The following SPSB4 variants were observed in gnomAD, a reference collection of about 807,000 sequenced individuals.
SPSB4 encodes SPRY domain-containing SOCS box protein 4.
A neutral mutation model predicts 20.9 loss-of-function variants in SPSB4; 21 were observed. The observed-to-expected ratio is 1.01, with a 90% CI of 0.71 to 1.45. The LOEUF is 1.45. Among genes scored for constraint, SPSB4 ranks in the 40% most tolerant of loss-of-function variants. The pLI is 0.00. For missense variants in SPSB4, 399 were observed against 399.2 expected (o/e 1.00, Z 0.00); for synonymous variants, 207 against 183.8 (o/e 1.13, Z -1.02).
intron 2 of SPSB4, among the ~76,000 whole-genome samples, chr3:141,076,324 T>C (rs139506473): frequency 2.5e-4 from 38 of 152,360 alleles, no homozygotes; most frequent in African/African-American, 8.9e-4. Flanking sequence ...AGCTACCAAG[T>C]GACTCCATGT....
At chr3:141,142,803 CTTTTTTTTTTTTTTTTTTTT>C (rs57674247) in intron 2 of SPSB4, among the ~76,000 whole-genome samples, 9 of 62,034 alleles carry the variant, frequency 1.5e-4, no homozygotes, top group East Asian at 1.1e-3. Flanking sequence ...CCCTCTTTGT[CTTTTTTTTTTTTTTTTTTTT>C]TTTTTTTTTT....
rs1262112121 is a variant in SPSB4 at position 141,142,719 on chromosome 3, C to T, written c.695-4423C>T. On this transcript the variant is annotated intron_variant, in intron 2 of 2. Transcript: ENST00000310546. ...AATTGTTTTATAAATTTGGGAGCTC[C>T]TGTGTTAGGTACATATATATTTAGG... Among the ~76,000 whole-genome samples, 6 of 149,150 alleles carry T rather than the reference C, an allele frequency of 4.0e-5. No homozygotes were observed. The East Asian group carries it at 1.2e-3, about 29-fold the overall frequency.
intron 2 of SPSB4, among the ~76,000 whole-genome samples, chr3:141,075,381 G>GA (rs1330323447): frequency 6.6e-6 from 1 of 151,406 alleles, no homozygotes; most frequent in African/African-American, 2.5e-5. Context: ...GGTTAGCACA[G>GA]TCACAGATAC....
At chr3:141,093,953 T>C (rs1413135913) in intron 2 of SPSB4, among the ~76,000 whole-genome samples, 1 of 152,038 alleles carries the variant, frequency 6.6e-6, no homozygotes, top group South Asian at 2.1e-4. Flanking sequence ...TTTCCACCTC[T>C]GGGAAGTGGA....
chr3:141,139,932 C>T (rs889268218), intron 2 of SPSB4, among the ~76,000 whole-genome samples: 3 of 152,108 alleles, frequency 2.0e-5, no homozygotes, highest in Non-Finnish European at 4.4e-5. Flanking sequence ...AGAGTGTTTT[C>T]CAACTTGGTT....
intron 2 of SPSB4, among the ~76,000 whole-genome samples, chr3:141,112,700 T>A (rs1938822132): frequency 6.9e-6 from 1 of 145,360 alleles, no homozygotes; most frequent in Non-Finnish European, 1.5e-5. Context: ...ACTAAATTCA[T>A]GGATTTTCCC....
intron 2 of SPSB4, among the ~76,000 whole-genome samples, chr3:141,070,970 G>A (rs1044339860): frequency 1.3e-5 from 2 of 152,220 alleles, no homozygotes; most frequent in African/African-American, 4.8e-5. Flanking sequence ...CAGTGAGTCT[G>A]GGCGAGTCTC....
intron 2 of SPSB4, among the ~76,000 whole-genome samples, chr3:141,138,822 G>A (rs1294385813): frequency 2.6e-5 from 4 of 152,178 alleles, no homozygotes; most frequent in African/African-American, 7.2e-5. Flanking sequence ...TTGATTTGGG[G>A]TGGAGAGTTC....
At chr3:141,055,425 A>T (rs1937620851) in intron 1 of SPSB4, among the ~76,000 whole-genome samples, 1 of 152,224 alleles carries the variant, frequency 6.6e-6, no homozygotes, top group East Asian at 1.9e-4. Context: ...AGTGTGGAAG[A>T]AATAAGAGCA....
chr3:141,060,535 C>G (rs1399963763), intron 1 of SPSB4, among the ~76,000 whole-genome samples: 2 of 152,150 alleles, frequency 1.3e-5, no homozygotes, highest in African/African-American at 2.4e-5. Flanking sequence ...CTCTCTGAGC[C>G]CGGGCTGCTA....
chr3:141,099,213 T>C (rs999002838), intron 2 of SPSB4, among the ~76,000 whole-genome samples: 1 of 151,338 alleles, frequency 6.6e-6, no homozygotes, highest in Non-Finnish European at 1.5e-5. Flanking sequence ...GAGACGGAGT[T>C]TCGCTCTGTC....
At chr3:141,115,458 T>C (rs1413834861) in intron 2 of SPSB4, 1 of 152,238 alleles carries the variant, frequency 6.6e-6, no homozygotes, top group African/African-American at 2.4e-5. Flanking sequence ...TGGAGTTTTC[T>C]GGAAAAAGCA....
chr3:141,064,349 C>T (rs935590155), intron 1 of SPSB4, among the ~76,000 whole-genome samples: 24 of 152,140 alleles, frequency 1.6e-4, no homozygotes, highest in African/African-American at 5.3e-4. Context: ...TGGGTGATTT[C>T]GGATATGAAA....
chr3:141,121,326 T>A (rs1191702272), intron 2 of SPSB4, among the ~76,000 whole-genome samples: 1 of 152,236 alleles, frequency 6.6e-6, no homozygotes, highest in Non-Finnish European at 1.5e-5. Context: ...CTGACCTTTC[T>A]CTCTGGCTGC....
At chr3:141,118,228 A>G (rs752181067) in intron 2 of SPSB4, among the ~76,000 whole-genome samples, 1 of 152,154 alleles carries the variant, frequency 6.6e-6, no homozygotes, top group Non-Finnish European at 1.5e-5. Context: ...TTTGATTTGC[A>G]TTTCTCTGAT....
chr3:141,148,007 A>G lies in SPSB4; in HGVS notation c.*738A>G, dbSNP rs9289618. 1 allele frequency: 152,825 copies of G among 152,838 alleles called. 76,406 individuals carry two copies. The highest frequency in any genetic ancestry group is 1 in the Middle Eastern group (294 of 294). The allele number at this position is 152,838 out of a possible 1,614,324, so 9.5% of individuals were successfully genotyped here. ...TGACTGGTTTGCCCCAGGGAAGAGC[A>G]TATCCTTACCATTATTTTAAGTAGC... On this transcript the variant is annotated 3_prime_UTR_variant, in exon 3 of 3. Transcript: ENST00000310546. The surrounding 1 kb of genome is among the most constrained non-coding windows in gnomAD (Gnocchi z 4.5).
rs540716326 is a variant in SPSB4 at position 141,065,245 on chromosome 3, C to A, written c.-153-707C>A. 4.0e-4 allele frequency among the ~76,000 whole-genome samples: 61 copies of A among 152,304 alleles called. 1 individual carries two copies. The South Asian group carries it at 7.5e-3, about 19-fold the overall frequency. On this transcript the variant is annotated intron_variant, in intron 1 of 2. Coordinates refer to ENST00000310546, the MANE Select transcript of SPSB4 (RefSeq NM_080862.3). ...TATCCTTCCTCCTCACCTCTATTGA[C>A]CTCCATTCACCTTCCCATGGAGCTC...
chr3:141,071,035 C>G (rs535977885), intron 2 of SPSB4, among the ~76,000 whole-genome samples: 3 of 152,316 alleles, frequency 2.0e-5, no homozygotes, highest in Admixed American at 2.0e-4. Flanking sequence ...CTCCAGCCCT[C>G]AAAGCTCTTG....
chr3:141,051,774 A>G lies in SPSB4; in HGVS notation c.-372A>G, dbSNP rs183580436. 1 of 152,336 alleles carries G rather than the reference A, an allele frequency of 6.6e-6. No individual in the cohort carries two copies. The highest frequency in any genetic ancestry group is 1.5e-5 in the Non-Finnish European group (1 of 68,136). 9.4% of individuals were successfully genotyped at this position (152,336 alleles called of 1,614,324 possible). On this transcript the variant is annotated 5_prime_UTR_variant, in exon 1 of 3. Transcript: ENST00000310546. Reference sequence around the variant, plus strand: ...CGCCTGAGCGCCAACTTCGCCAAGAACGCTCCTAACTCCAGGCCATCCTGC... The same window carrying G: ...CGCCTGAGCGCCAACTTCGCCAAGAGCGCTCCTAACTCCAGGCCATCCTGC...
Sources: allele counts gnomAD v4.1 joint callset (sites outside exome capture counted in the v4.1 genomes callset), GRCh38; gene constraint gnomAD v4.1.1; non-coding constraint Gnocchi (gnomAD v3.1); transcripts MANE v1.5; gene names NCBI Gene and HGNC (gene_info 2026-07-23, HGNC 2026-07-21).